The following GALNTL6 variants were observed in gnomAD, a reference collection of about 807,000 sequenced individuals.
The protein encoded by GALNTL6 is polypeptide N-acetylgalactosaminyltransferase like 6, also known as polypeptide N-acetylgalactosaminyltransferase-like 6.
In GALNTL6, 46 loss-of-function variants were observed where a neutral mutation model predicts 73.7. The ratio of observed to expected loss-of-function variants is 0.62; its 90% confidence interval spans 0.49 to 0.80. GALNTL6 has a LOEUF of 0.80. Ranked by LOEUF, GALNTL6 falls within the 30% of genes least tolerant of loss-of-function variation. The pLI is 0.00. For missense variants in GALNTL6, 604 were observed against 755.0 expected (o/e 0.80, Z 2.34); for synonymous variants, 259 against 263.7 (o/e 0.98, Z 0.17).
chr4:172,557,771 G>A (rs906005721), intron 5 of GALNTL6, among the ~76,000 whole-genome samples: 1 of 152,000 alleles, frequency 6.6e-6, no homozygotes, highest in African/African-American at 2.4e-5. Context: ...GAAACATCTG[G>A]CAATTTCATA....
chr4:172,167,625 A>T (rs1295936307), intron 2 of GALNTL6, among the ~76,000 whole-genome samples: 1 of 152,202 alleles, frequency 6.6e-6, no homozygotes, highest in Admixed American at 6.5e-5. Flanking sequence ...TATTTTTAGT[A>T]AGGTTTTCAA....
At chr4:172,709,840 G>A (rs147160141) in intron 5 of GALNTL6, among the ~76,000 whole-genome samples, 25 of 81,220 alleles carry the variant, frequency 3.1e-4, no homozygotes, top group African/African-American at 1.1e-3. Context: ...GGTGTAGATC[G>A]ATAGATTTGA....
chr4:172,927,436 G>A (rs1411711943), intron 8 of GALNTL6, among the ~76,000 whole-genome samples: 1 of 152,174 alleles, frequency 6.6e-6, no homozygotes, highest in East Asian at 1.9e-4. Context: ...CATGGATTTA[G>A]AAATATGTAG....
intron 5 of GALNTL6, among the ~76,000 whole-genome samples, chr4:172,577,258 G>A (rs1736990830): frequency 6.6e-6 from 1 of 152,178 alleles, no homozygotes; most frequent in East Asian, 1.9e-4. Flanking sequence ...TTCACCATGA[G>A]AAAGTTTTTT....
intron 2 of GALNTL6, among the ~76,000 whole-genome samples, chr4:171,961,855 C>T (rs13133193): frequency 0.45 from 68,221 of 151,978 alleles, 17,531 homozygotes; most frequent in Admixed American, 0.58. Flanking sequence ...CCAACAGTTG[C>T]CCAGTTCATA....
chr4:172,046,705 T>C (rs1042404346), intron 2 of GALNTL6, among the ~76,000 whole-genome samples: 9 of 152,174 alleles, frequency 5.9e-5, no homozygotes, highest in South Asian at 2.1e-4. Context: ...CCTTGTCATA[T>C]TAAAATTGTG....
chr4:172,773,532 A>G lies in GALNTL6; in HGVS notation c.554-35829A>G, dbSNP rs976335592. Among the ~76,000 whole-genome samples the G allele has an allele frequency of 2.6e-5, 4 of 152,050 alleles. No homozygotes were observed. In the East Asian group the frequency reaches 7.7e-4, roughly 29 times the overall value. On this transcript the variant is annotated intron_variant, in intron 5 of 12. Transcript: ENST00000506823. ...TAGTAAAGAACTGAGGGCATTTATC[A>G]TGGTACTGTGACATTGTTTCTACAG...
intron 2 of GALNTL6, among the ~76,000 whole-genome samples, chr4:171,939,260 T>C (rs1021955859): frequency 1.3e-5 from 2 of 152,140 alleles, no homozygotes; most frequent in Admixed American, 6.5e-5. Context: ...CCTGCACTGA[T>C]GATTTTGCCA....
chr4:171,923,499 G>A (rs576481988), intron 2 of GALNTL6, among the ~76,000 whole-genome samples: 4 of 148,582 alleles, frequency 2.7e-5, no homozygotes, highest in East Asian at 2.0e-4. Flanking sequence ...CTGGGTTCAC[G>A]CCATTCTGTT....
At chr4:172,272,251 G>T (rs1379964591) in intron 3 of GALNTL6, among the ~76,000 whole-genome samples, 1 of 152,220 alleles carries the variant, frequency 6.6e-6, no homozygotes, top group Non-Finnish European at 1.5e-5. Flanking sequence ...CACTGCACCC[G>T]GCCCCATGGC....
chr4:172,240,490 C>T (rs1301579989), intron 3 of GALNTL6, among the ~76,000 whole-genome samples: 2 of 152,136 alleles, frequency 1.3e-5, no homozygotes, highest in Non-Finnish European at 2.9e-5. Flanking sequence ...CTCAACATCC[C>T]AAAGTGCTGG....
At chr4:172,566,169 T>C (rs775715775) in intron 5 of GALNTL6, among the ~76,000 whole-genome samples, 4 of 152,134 alleles carry the variant, frequency 2.6e-5, no homozygotes, top group Non-Finnish European at 5.9e-5. Context: ...AGAGCAGCCT[T>C]AAACAACACT....
intron 7 of GALNTL6, among the ~76,000 whole-genome samples, chr4:172,880,192 G>A (rs1745383498): frequency 6.6e-6 from 1 of 151,958 alleles, no homozygotes; most frequent in South Asian, 2.1e-4. Flanking sequence ...TCCACACAAA[G>A]ATTAGTACAC....
chr4:172,211,265 C>A (rs1560971581), intron 2 of GALNTL6, among the ~76,000 whole-genome samples: 1 of 152,302 alleles, frequency 6.6e-6, no homozygotes, highest in Non-Finnish European at 1.5e-5. Context: ...GATGTGAGAT[C>A]TAGATGTGTT....
At chr4:172,272,750 T>C (rs1738699294) in intron 3 of GALNTL6, among the ~76,000 whole-genome samples, 1 of 152,180 alleles carries the variant, frequency 6.6e-6, no homozygotes. Context: ...ATATTTCGAA[T>C]GGAAAAATGT....
At chr4:172,278,137 CTT>C in intron 3 of GALNTL6, among the ~76,000 whole-genome samples, 1 of 152,176 alleles carries the variant, frequency 6.6e-6, no homozygotes, top group East Asian at 1.9e-4. Flanking sequence ...AATTTTATCT[CTT>C]ATGTCCTTTC....
chr4:171,908,818 A>G (rs1374778300), intron 2 of GALNTL6, among the ~76,000 whole-genome samples: 1 of 151,346 alleles, frequency 6.6e-6, no homozygotes. Flanking sequence ...GCAGCCATAA[A>G]AAATGATGAG....
intron 5 of GALNTL6, among the ~76,000 whole-genome samples, chr4:172,770,249 G>A (rs1218990422): frequency 1.4e-5 from 2 of 143,790 alleles, no homozygotes; most frequent in African/African-American, 2.5e-5. Context: ...CTGGGCAATA[G>A]AGCAGGACTC....
intron 5 of GALNTL6, among the ~76,000 whole-genome samples, chr4:172,719,889 G>A (rs1735357275): frequency 6.6e-6 from 1 of 152,128 alleles, no homozygotes; most frequent in Non-Finnish European, 1.5e-5. Context: ...AACAAGGGGT[G>A]GATTATTCAT....
Sources: allele counts gnomAD v4.1 joint callset (sites outside exome capture counted in the v4.1 genomes callset), GRCh38; gene constraint gnomAD v4.1.1; transcripts MANE v1.5; gene names NCBI Gene and HGNC (gene_info 2026-07-23, HGNC 2026-07-21).